The following SORT1 variants were observed in gnomAD, a reference collection of about 807,000 sequenced individuals.
The protein encoded by SORT1 is sortilin.
In SORT1, 39 loss-of-function variants were observed where a neutral mutation model predicts 101.7. That is an observed-to-expected ratio of 0.38 (90% CI 0.30 to 0.50). The LOEUF is 0.50. SORT1 is among the 20% of genes least tolerant of loss of function. The pLI, the probability that SORT1 is intolerant of heterozygous loss-of-function variation, is 0.90. For synonymous variants in SORT1, 396 were observed against 393.7 expected, an observed-to-expected ratio of 1.01 and a Z score of -0.07; for missense variants, 878 against 1,040.4, an observed-to-expected ratio of 0.84 and a Z score of 2.15.
intron 6 of SORT1, among the ~76,000 whole-genome samples, chr1:109,349,742 A>T (rs986608087): frequency 2.0e-5 from 3 of 152,236 alleles, no homozygotes; most frequent in African/African-American, 7.2e-5. Flanking sequence ...ACTGTACTCT[A>T]GCCTGGACAA....
In SORT1 at chr1:109,313,955, G is replaced by A; in HGVS notation, c.*88C>T. ...AACAGAGCTGGGTCCCTCGCAATGG[G>A]AAATTTATTTCCTGAAGTTGGAGCC... is the stretch of plus-strand genomic sequence containing the variant. On this transcript the variant is annotated 3_prime_UTR_variant, in exon 20 of 20. Coordinates refer to ENST00000256637, the MANE Select transcript of SORT1 (RefSeq NM_002959.7). 1 of 1,387,788 alleles carries A rather than the reference G, an allele frequency of 7.2e-7. No homozygotes were observed. Among genetic ancestry groups the A allele is most frequent in the South Asian group, 1.2e-5 (1 of 84,160 alleles). The allele number at this position is 1,387,788 out of a possible 1,614,324, so 86.0% of individuals were successfully genotyped here.
Position 109,316,886 on chromosome 1 carries a change from C to A in SORT1, c.2214G>T (p.Lys738Asn). ...NPVREVKDLK[K>N]KCTSNFLSPE... ...GACTCAAAAAGTTGCTTGTGCATTT[C>A]TTTTTCAAGTCTTTTACTTCTCGAA... The change falls in exon 17 of 20, where the codon AAG (lysine) becomes AAT (asparagine). Residue 738 changes from lysine (K) to asparagine (N), a missense_variant. Lys to Asn is a moderately conservative substitution (Grantham distance 94). Around this residue, in one of 2 missense-constraint regions of SORT1, gnomAD observed 684 missense variants for 894.5 expected, o/e 0.76. Transcript: ENST00000256637. 6.2e-7 allele frequency: 1 copy of A among 1,611,954 alleles called. No individual in the cohort carries two copies. Among genetic ancestry groups the A allele is most frequent in the Non-Finnish European group, 8.5e-7 (1 of 1,179,212 alleles).
intron 1 of SORT1, among the ~76,000 whole-genome samples, chr1:109,375,619 C>T (rs1651785158): frequency 6.6e-6 from 1 of 150,764 alleles, no homozygotes; most frequent in Non-Finnish European, 1.5e-5. Flanking sequence ...ATCCAAGAAG[C>T]TCAGAAACCC....
chr1:109,395,366 G>A (rs777474184), intron 1 of SORT1, among the ~76,000 whole-genome samples: 6 of 151,610 alleles, frequency 4.0e-5, no homozygotes, highest in Non-Finnish European at 7.4e-5. Context: ...AATTACAGGC[G>A]CATGCCACCG....
At chr1:109,373,438 T>G (rs1651622996) in intron 1 of SORT1, among the ~76,000 whole-genome samples, 1 of 152,088 alleles carries the variant, frequency 6.6e-6, no homozygotes, top group Non-Finnish European at 1.5e-5. Context: ...CACACGCATG[T>G]GAGGAAACTA....
intron 2 of SORT1, 111 bp downstream of exon 2, chr1:109,369,419 T>C (rs899565133): frequency 6.0e-5 from 43 of 722,048 alleles, no homozygotes; most frequent in Non-Finnish European, 9.3e-5. Flanking sequence ...TTTTCTGTGA[T>C]TGAGGCTAAA....
chr1:109,376,546 A>C (rs371653699), intron 1 of SORT1, among the ~76,000 whole-genome samples: 1 of 140,538 alleles, frequency 7.1e-6, no homozygotes, highest in African/African-American at 2.6e-5. Flanking sequence ...TATATACACC[A>C]TGTAATACTA....
chr1:109,313,745 C>T lies in SORT1; in HGVS notation c.*298G>A. 2.5e-6 allele frequency: 1 copy of T among 395,126 alleles called. No homozygotes were observed. The highest frequency in any genetic ancestry group is 4.3e-6 in the Non-Finnish European group (1 of 229,938). 24.5% of individuals were successfully genotyped at this position (395,126 alleles called of 1,614,324 possible). On this transcript the variant is annotated 3_prime_UTR_variant, in exon 20 of 20. Transcript: ENST00000256637. ...GGTCCCTTCGAATTCCATTTCGTTT[C>T]CCTTAAAAAACAAAAACAAAAAAGC...
intron 3 of SORT1, among the ~76,000 whole-genome samples, chr1:109,361,552 A>G (rs1650721063): frequency 6.6e-6 from 1 of 152,138 alleles, no homozygotes; most frequent in African/African-American, 2.4e-5. Context: ...TCAAGCATGC[A>G]CCTCAAAAAC....
At chr1:109,345,701 G>A in intron 8 of SORT1, 50 bp downstream of exon 8, 3 of 1,517,578 alleles carry the variant, frequency 2.0e-6, no homozygotes, top group Non-Finnish European at 2.7e-6. Flanking sequence ...ATCTATACGA[G>A]AGATATTTGC....
At chr1:109,351,144 A>G in intron 5 of SORT1, 142 bp from the exon 6 acceptor site, 1 of 686,676 alleles carries the variant, frequency 1.5e-6, no homozygotes, top group East Asian at 2.5e-5. Context: ...AGCTCCACAG[A>G]CACACACGTA....
intron 10 of SORT1, among the ~76,000 whole-genome samples, chr1:109,336,962 T>C (rs765211721): frequency 3.9e-5 from 6 of 152,222 alleles, no homozygotes; most frequent in Non-Finnish European, 8.8e-5. Flanking sequence ...TCTCCTTCCC[T>C]GTTTGCTTGC....
chr1:109,346,137 C>T (rs1203139199), intron 7 of SORT1, among the ~76,000 whole-genome samples: 2 of 151,366 alleles, frequency 1.3e-5, no homozygotes, highest in East Asian at 3.9e-4. Context: ...CCATGAAACC[C>T]CATCTGTACT....
intron 13 of SORT1, chr1:109,326,763 A>T (rs1187581691): frequency 7.9e-6 from 3 of 380,810 alleles, no homozygotes; most frequent in Non-Finnish European, 1.4e-5. Context: ...ACCCAGAAAG[A>T]ATGTTTTTAA....
intron 7 of SORT1, 143 bp from the exon 8 acceptor site, chr1:109,346,024 T>C (rs558293941): frequency 1.1e-5 from 8 of 731,918 alleles, no homozygotes; most frequent in African/African-American, 7.1e-5. Flanking sequence ...TAAAATGTGA[T>C]ACAGCGGCCA....
At chr1:109,330,259 C>CT (rs1485950090) in intron 11 of SORT1, among the ~76,000 whole-genome samples, 3 of 152,112 alleles carry the variant, frequency 2.0e-5, no homozygotes, top group African/African-American at 7.2e-5. Flanking sequence ...TCCCAAAGTG[C>CT]AAGGATTATA....
chr1:109,345,950 G>T, intron 7 of SORT1, 69 bp from the exon 8 acceptor site: 1 of 1,314,660 alleles, frequency 7.6e-7, no homozygotes, highest in Non-Finnish European at 1.1e-6. Flanking sequence ...AGTTGTTTTA[G>T]AATCAATCTT....
chr1:109,360,796 C>T (rs544579469), intron 3 of SORT1, among the ~76,000 whole-genome samples: 33 of 152,176 alleles, frequency 2.2e-4, no homozygotes, highest in Non-Finnish European at 3.1e-4. Context: ...ATCTGGGTGG[C>T]CCTTCTCCCA....
In SORT1 at chr1:109,367,326, G is replaced by A. The variant is rs1216996092; in HGVS notation, c.440+82C>T. 8.3e-5 allele frequency: 64 copies of A among 772,026 alleles called. No individual in the cohort carries two copies. The East Asian group carries it at 1.5e-3, about 18-fold the overall frequency. 47.8% of individuals were successfully genotyped at this position (772,026 alleles called of 1,614,324 possible). On this transcript the variant is annotated intron_variant, in intron 3 of 19. Coordinates refer to ENST00000256637, the MANE Select transcript of SORT1 (RefSeq NM_002959.7). The stretch of plus-strand genomic sequence containing the variant: ...GAAGATCTTTTACATCAACTGTTAC[G>A]TGCCATCATGTCTAGAAAAGGGAGA...
Sources: gnomAD v4.1 joint callset for allele counts (sites outside exome capture counted in the v4.1 genomes callset) on GRCh38, gnomAD v4.1.1 for gene constraint, gnomAD v4.1.1 regional missense constraint, MANE v1.5 for transcripts, NCBI Gene and HGNC (gene_info 2026-07-23, HGNC 2026-07-21) for gene names.